The following MINK1 variants were observed in gnomAD, a reference collection of about 807,000 sequenced individuals.
MINK1 encodes the protein misshapen-like kinase 1.
A neutral mutation model predicts 178.4 loss-of-function variants in MINK1; 46 were observed. That is an observed-to-expected ratio of 0.26 (90% CI 0.20 to 0.33). MINK1 has a LOEUF of 0.33. Ranked by LOEUF, MINK1 falls within the 10% of genes least tolerant of loss-of-function variation. The pLI is 1.00. For synonymous variants in MINK1, 797 were observed against 709.7 expected, an observed-to-expected ratio of 1.12 and a Z score of -1.96; for missense variants, 1,366 against 1,814.9, an observed-to-expected ratio of 0.75 and a Z score of 4.49.
chr17:4,845,068 T>A (rs561695289), intron 1 of MINK1, among the ~76,000 whole-genome samples: 178 of 152,254 alleles, frequency 1.2e-3, no homozygotes, highest in Non-Finnish European at 1.5e-3. Context: ...TCATTGTCTT[T>A]TGTGTGTGCA....
intron 1 of MINK1, among the ~76,000 whole-genome samples, chr17:4,842,459 A>T (rs958848489): frequency 2.0e-5 from 3 of 152,150 alleles, no homozygotes; most frequent in Non-Finnish European, 4.4e-5. Flanking sequence ...ACTTCTTTCC[A>T]GGTAGAGAGA....
chr17:4,867,074 A>AAATAATAATAATAAT (rs56934978), intron 1 of MINK1, among the ~76,000 whole-genome samples: 11,416 of 119,780 alleles, frequency 0.095, 634 homozygotes, highest in Middle Eastern at 0.15. Flanking sequence ...ACTCGTCTCA[A>AAATAATAATAATAAT]AATAATAATA....
chr17:4,894,565 C>T lies in MINK1; in HGVS notation c.2849C>T (p.Ser950Leu), dbSNP rs775975002. ...RGLVKAPGKS[S>L]FTMFVDLGIY... is the part of the protein sequence containing the mutation. The stretch of plus-strand genomic sequence containing the variant: ...CTGGTAAAGGCCCCTGGCAAGAGCT[C>T]GTTCACGATGTTTGTGGATCTAGGG... The change falls in exon 24 of 32, where the codon TCG (serine) becomes TTG (leucine). Residue 950 changes from serine (S) to leucine (L), a missense_variant. This residue lies in a region of MINK1 where 709 missense variants were observed against 692.3 expected (regional missense o/e 1.02). Coordinates refer to ENST00000355280, the MANE Select transcript of MINK1 (RefSeq NM_153827.5). The surrounding 1 kb of genome is among the most constrained non-coding windows in gnomAD (Gnocchi z 4.1). 7 of 1,608,778 alleles carry T rather than the reference C, an allele frequency of 4.4e-6. No homozygotes were observed. The highest frequency in any genetic ancestry group is 4.5e-5 in the East Asian group (2 of 44,702).
intron 1 of MINK1, among the ~76,000 whole-genome samples, chr17:4,853,690 G>A (rs1179564577): frequency 6.6e-6 from 1 of 152,074 alleles, no homozygotes; most frequent in African/African-American, 2.4e-5. Flanking sequence ...GGGCAGTTGG[G>A]TGGTGGTAGG....
Position 4,896,739 on chromosome 17 carries a change from A to G in MINK1, c.3841A>G (p.Thr1281Ala). Residue 1281 changes from threonine (T) to alanine (A), a missense_variant, in exon 31 of 32, where the codon ACG becomes GCG. Around this residue, in one of 14 missense-constraint regions of MINK1, gnomAD observed 201 missense variants for 240.7 expected, o/e 0.84. Coordinates refer to ENST00000355280, the MANE Select transcript of MINK1 (RefSeq NM_153827.5). The surrounding 1 kb of genome is among the most constrained non-coding windows in gnomAD (Gnocchi z 4.6). ...EKAIEIRSVE[T>A]GHLDGVFMHK... ...AGCCATTGAGATCCGCTCTGTGGAG[A>G]CGGGCCACCTCGACGGGGTCTTCAT... The G allele has an allele frequency of 6.2e-7, 1 of 1,603,274 alleles. No homozygotes were observed. The highest frequency in any genetic ancestry group is 8.5e-7 in the Non-Finnish European group (1 of 1,174,040).
intron 1 of MINK1, among the ~76,000 whole-genome samples, chr17:4,873,948 C>A (rs769708126): frequency 6.6e-6 from 1 of 152,006 alleles, no homozygotes; most frequent in Admixed American, 6.6e-5. Flanking sequence ...ACAATCCAAC[C>A]CCCTCTTAGC....
rs1909371481 is a variant in MINK1 at position 4,836,834 on chromosome 17, A to G, written c.57+3194A>G. 6.6e-6 allele frequency among the ~76,000 whole-genome samples: 1 copy of G among 152,110 alleles called. No individual in the cohort carries two copies. Among genetic ancestry groups the G allele is most frequent in the African/African-American group, 2.4e-5 (1 of 41,488 alleles). ...CCCTTAGTCTGCTTTATCCTTCCTC[A>G]TAGTATTTATCACCAGCTGACATAT... On this transcript the variant is annotated intron_variant, in intron 1 of 31. Transcript: ENST00000355280. This position sits in a 1 kb window ranked among gnomAD's most constrained non-coding sequence, Gnocchi z 4.3.
chr17:4,859,452 G>A, intron 1 of MINK1: 1 of 411,874 alleles, frequency 2.4e-6, no homozygotes, highest in Non-Finnish European at 3.3e-6. Flanking sequence ...TGGTGTCTGA[G>A]CACCCAGAAG....
intron 1 of MINK1, among the ~76,000 whole-genome samples, chr17:4,844,266 G>T (rs1437289003): frequency 6.6e-6 from 1 of 152,130 alleles, no homozygotes; most frequent in Non-Finnish European, 1.5e-5. Flanking sequence ...CTCCCAAAGT[G>T]CTGGGATTAC....
chr17:4,842,427 G>T (rs1043608767), intron 1 of MINK1, among the ~76,000 whole-genome samples: 2 of 152,196 alleles, frequency 1.3e-5, no homozygotes, highest in African/African-American at 4.8e-5. Context: ...GAAGTAGGAA[G>T]TAGTTCCTAA....
Position 4,896,415 on chromosome 17 carries a change from C to G in MINK1, c.3616-14C>G, listed in dbSNP as rs1319409514. The G allele has an allele frequency of 1.9e-6, 3 of 1,613,426 alleles. No homozygotes were observed. In the African/African-American group the frequency reaches 4.0e-5, roughly 22 times the overall value. On this transcript the variant is annotated splice_polypyrimidine_tract_variant and intron_variant, in intron 29 of 31. Coordinates refer to ENST00000355280, the MANE Select transcript of MINK1 (RefSeq NM_153827.5). The surrounding 1 kb of genome is among the most constrained non-coding windows in gnomAD (Gnocchi z 4.6). ...ACCAGACACGGAGACTCTAGTCCCCCTCCTTCTCCCCAGATCCAGAGCCAG... is the reference window on the plus strand; with the variant it reads ...ACCAGACACGGAGACTCTAGTCCCCGTCCTTCTCCCCAGATCCAGAGCCAG...
intron 1 of MINK1, chr17:4,875,390 G>C (rs1378449490): frequency 2.3e-6 from 1 of 434,530 alleles, no homozygotes; most frequent in African/African-American, 2.0e-5. Context: ...TGGGAGGATT[G>C]CTTGAGCCCA....
At position 4,891,669 on chromosome 17, in the gene MINK1, C is replaced by G. The variant is rs1354590749; in HGVS notation, c.1954C>G (p.Pro652Ala). 2 of 1,601,044 alleles carry G rather than the reference C, an allele frequency of 1.2e-6. No homozygotes were observed. The highest frequency in any genetic ancestry group is 2.3e-5 in the East Asian group (1 of 44,344). The change falls in exon 16 of 32, where the codon CCG becomes GCG. Residue 652 changes from proline (P) to alanine (A), a missense_variant. By Grantham distance (27) the Pro-to-Ala change is conservative. Around this residue, in one of 14 missense-constraint regions of MINK1, gnomAD observed 709 missense variants for 692.3 expected, o/e 1.02. Transcript: ENST00000355280. Reference sequence around the variant, plus strand: ...CACCTCTGAAGGACCTGGCCCCAGCCCGAATCCCCCAGCCTGGGTCCGCCC... The same window carrying G: ...CACCTCTGAAGGACCTGGCCCCAGCGCGAATCCCCCAGCCTGGGTCCGCCC... ...DPTSEGPGPS[P>A]NPPAWVRPDN...
At chr17:4,880,431 G>GC (rs1000269667) in intron 2 of MINK1, among the ~76,000 whole-genome samples, 10 of 150,302 alleles carry the variant, frequency 6.7e-5, no homozygotes, top group African/African-American at 2.4e-4. Flanking sequence ...GATTATAGGC[G>GC]CCCACCATGA....
At chr17:4,876,257 C>T (rs1406872938) in intron 1 of MINK1, among the ~76,000 whole-genome samples, 1 of 152,180 alleles carries the variant, frequency 6.6e-6, no homozygotes, top group Non-Finnish European at 1.5e-5. Flanking sequence ...CTCAGGCTGC[C>T]GCGTGCCAGG....
At chr17:4,870,410 G>A (rs1915717771) in intron 1 of MINK1, among the ~76,000 whole-genome samples, 1 of 151,588 alleles carries the variant, frequency 6.6e-6, no homozygotes, top group African/African-American at 2.4e-5. Flanking sequence ...CTTTAAATGG[G>A]GTGAGATGCT....
chr17:4,883,720 A>G (rs1377699425), intron 4 of MINK1, among the ~76,000 whole-genome samples: 3 of 105,650 alleles, frequency 2.8e-5, no homozygotes, highest in East Asian at 5.2e-4. Context: ...TTTTTTTTTT[A>G]GTAGAGACAG....
chr17:4,856,736 C>G (rs4609912), intron 1 of MINK1: 16,162 of 153,026 alleles, frequency 0.11, 1,628 homozygotes, highest in East Asian at 0.51. Flanking sequence ...GGTCGGGGAC[C>G]TGGATGGGTG....
Position 4,896,532 on chromosome 17 carries a change from A to C in MINK1, c.3719A>C (p.Tyr1240Ser). 1 of 1,613,966 alleles carries C rather than the reference A, an allele frequency of 6.2e-7. No homozygotes were observed. The highest frequency in any genetic ancestry group is 8.5e-7 in the Non-Finnish European group (1 of 1,179,862). The change falls in exon 30 of 32, where the codon TAC (tyrosine) becomes TCC (serine). Residue 1240 changes from tyrosine (Y) to serine (S), a missense_variant. Around this residue, in one of 14 missense-constraint regions of MINK1, gnomAD observed 201 missense variants for 240.7 expected, o/e 0.84. Coordinates refer to ENST00000355280, the MANE Select transcript of MINK1 (RefSeq NM_153827.5). This position sits in a 1 kb window ranked among gnomAD's most constrained non-coding sequence, Gnocchi z 4.6. ...GACGAGGGTGTCTACGTCAACACGTACGGGCGCATCATTAAGGATGTGGTG... is the reference window on the plus strand; with the variant it reads ...GACGAGGGTGTCTACGTCAACACGTCCGGGCGCATCATTAAGGATGTGGTG... ...YEDEGVYVNT[Y>S]GRIIKDVVLQ...
Sources: allele counts gnomAD v4.1 joint callset (sites outside exome capture counted in the v4.1 genomes callset), GRCh38; gene constraint gnomAD v4.1.1; regional missense constraint gnomAD v4.1.1; non-coding constraint Gnocchi (gnomAD v3.1); transcripts MANE v1.5; gene names NCBI Gene and HGNC (gene_info 2026-07-23, HGNC 2026-07-21).